The following SLC9A9 variants were observed in gnomAD, a reference collection of about 807,000 sequenced individuals.
SLC9A9 encodes the protein sodium/hydrogen exchanger 9.
Under a neutral mutation model 77.8 loss-of-function variants are expected in SLC9A9, and 62 were observed. The observed-to-expected ratio is 0.80, with a 90% CI of 0.65 to 0.98. The LOEUF is 0.98. SLC9A9 is among the 50% of genes least tolerant of loss of function. SLC9A9 has a pLI of 0.00. For synonymous variants in SLC9A9, 320 were observed against 283.5 expected (o/e 1.13, Z -1.29); for missense variants, 775 against 774.9 (o/e 1.00, Z 0.00).
At chr3:143,275,837 G>A (rs1420357031) in intron 14 of SLC9A9, among the ~76,000 whole-genome samples, 1 of 152,092 alleles carries the variant, frequency 6.6e-6, no homozygotes, top group Admixed American at 6.5e-5. Context: ...TAATAGCTCT[G>A]TTATAGGAAC....
intron 12 of SLC9A9, among the ~76,000 whole-genome samples, chr3:143,421,571 G>A (rs994431079): frequency 6.6e-6 from 1 of 152,000 alleles, no homozygotes; most frequent in African/African-American, 2.4e-5. Flanking sequence ...GTAGATCATC[G>A]TTTTCACTAC....
At position 143,349,494 on chromosome 3, in the gene SLC9A9, T is replaced by C. The variant is rs2032391079; in HGVS notation, c.1604+13990A>G. Among the ~76,000 whole-genome samples, 2 of 152,210 alleles carry C rather than the reference T, an allele frequency of 1.3e-5. 1 individual carries two copies. The highest frequency in any genetic ancestry group is 4.1e-4 in the South Asian group (2 of 4,838). On this transcript the variant is annotated intron_variant, in intron 14 of 15. Transcript: ENST00000316549. ...TCAAGGACCTAATTTTTCTAGGCCC[T>C]ATGCTATGTATGGTAAGTATAATAG... is the stretch of plus-strand genomic sequence containing the variant.
At chr3:143,713,841 G>T (rs1276760608) in intron 4 of SLC9A9, among the ~76,000 whole-genome samples, 3 of 152,060 alleles carry the variant, frequency 2.0e-5, no homozygotes, top group African/African-American at 4.8e-5. Flanking sequence ...GCTGAAGGAA[G>T]AAATAAAAGC....
At chr3:143,335,966 CA>C in intron 14 of SLC9A9, among the ~76,000 whole-genome samples, 1 of 152,128 alleles carries the variant, frequency 6.6e-6, no homozygotes, top group Non-Finnish European at 1.5e-5. Context: ...AAACAGACAA[CA>C]AAAAAGGCAA....
rs141599353 is a variant in SLC9A9, at chr3:143,286,947, G to C, written c.1605-17967C>G. On this transcript the variant is annotated intron_variant, in intron 14 of 15. Transcript: ENST00000316549. ...AGGCTCCACTAGTTCTGGACCTCACGAGGTGTGCGTCAGCAAAACTCTCCA... is the reference window on the plus strand; with the variant it reads ...AGGCTCCACTAGTTCTGGACCTCACCAGGTGTGCGTCAGCAAAACTCTCCA... Among the ~76,000 whole-genome samples, 37 of 152,284 alleles carry C rather than the reference G, an allele frequency of 2.4e-4. No individual in the cohort carries two copies. In the East Asian group the frequency reaches 6.6e-3, roughly 27 times the overall value.
intron 9 of SLC9A9, among the ~76,000 whole-genome samples, chr3:143,498,146 T>G (rs1230261896): frequency 6.6e-6 from 1 of 152,248 alleles, no homozygotes; most frequent in Non-Finnish European, 1.5e-5. Context: ...ACTGTGTACA[T>G]ACACATAGTA....
chr3:143,474,527 T>C (rs111887814), intron 11 of SLC9A9, among the ~76,000 whole-genome samples: 101 of 152,028 alleles, frequency 6.6e-4, no homozygotes, highest in African/African-American at 2.4e-3. Flanking sequence ...TTGATGTTTG[T>C]TGATGGGTCA....
chr3:143,267,019 TGCA>T, intron 15 of SLC9A9, 90 bp from the exon 16 acceptor site: 11 of 1,190,292 alleles, frequency 9.2e-6, no homozygotes, highest in Non-Finnish European at 1.2e-5. Context: ...TTAAACAGAA[TGCA>T]TGTTTTCCTT....
chr3:143,564,035 C>T (rs938949862), intron 8 of SLC9A9, among the ~76,000 whole-genome samples: 4 of 152,148 alleles, frequency 2.6e-5, no homozygotes, highest in South Asian at 4.1e-4. Context: ...CTCAAATACA[C>T]ATCTGTCAAA....
chr3:143,483,228 T>C (rs2035600873), intron 11 of SLC9A9, among the ~76,000 whole-genome samples: 1 of 152,226 alleles, frequency 6.6e-6, no homozygotes, highest in Non-Finnish European at 1.5e-5. Context: ...GTGGGATTCA[T>C]GCCAGGTGAG....
In SLC9A9 at chr3:143,382,070, G is replaced by A; in HGVS notation, c.1514C>T (p.Ser505Leu). Residue 505 changes from serine (S) to leucine (L), a missense_variant, in exon 13 of 16, where the codon TCA becomes TTA. Physicochemically the swap from Ser to Leu is moderately radical, Grantham distance 145. Coordinates refer to ENST00000316549, the MANE Select transcript of SLC9A9 (RefSeq NM_173653.4). ...LDENLKEDPS[S>L]QHQEANNLDK... Reference sequence around the variant, plus strand: ...GTTTCTTTGACTTGCCTGGTGTTGTGAGGAGGGGTCCTCCTTCAGATTTTC... The same window carrying A: ...GTTTCTTTGACTTGCCTGGTGTTGTAAGGAGGGGTCCTCCTTCAGATTTTC... The A allele has an allele frequency of 6.2e-7, 1 of 1,614,106 alleles. No individual in the cohort carries two copies. Among genetic ancestry groups the A allele is most frequent in the Non-Finnish European group, 8.5e-7 (1 of 1,180,004 alleles).
At chr3:143,515,845 A>G (rs562109948) in intron 9 of SLC9A9, among the ~76,000 whole-genome samples, 1 of 152,214 alleles carries the variant, frequency 6.6e-6, no homozygotes, top group Non-Finnish European at 1.5e-5. Flanking sequence ...CATTTGTGTT[A>G]CTGACATAAA....
At position 143,848,368 on chromosome 3, in the gene SLC9A9, C is replaced by A. The variant is rs754780367; in HGVS notation, c.-46G>T. 3.7e-6 allele frequency: 6 copies of A among 1,611,980 alleles called. No individual in the cohort carries two copies. Among genetic ancestry groups the A allele is most frequent in the Non-Finnish European group, 4.2e-6 (5 of 1,178,350 alleles). On this transcript the variant is annotated 5_prime_UTR_variant, in exon 1 of 16. Coordinates refer to ENST00000316549, the MANE Select transcript of SLC9A9 (RefSeq NM_173653.4). ...CCTTAGATAAAAACCTGGATAAAGG[C>A]TATTTTATCAAGATTTGCCTAAGAC...
chr3:143,475,364 G>C (rs576427690), intron 11 of SLC9A9, among the ~76,000 whole-genome samples: 1 of 152,162 alleles, frequency 6.6e-6, no homozygotes, highest in South Asian at 2.1e-4. Context: ...CGCTTGGTAA[G>C]AGCTGACCTC....
At chr3:143,569,196 A>C (rs2037219789) in intron 8 of SLC9A9, among the ~76,000 whole-genome samples, 1 of 151,834 alleles carries the variant, frequency 6.6e-6, no homozygotes, top group Non-Finnish European at 1.5e-5. Context: ...CATCAGGAAT[A>C]ATAAATACAC....
At chr3:143,315,975 C>T (rs1198656479) in intron 14 of SLC9A9, among the ~76,000 whole-genome samples, 1 of 152,144 alleles carries the variant, frequency 6.6e-6, no homozygotes, top group Admixed American at 6.5e-5. Context: ...GAGATGGTGA[C>T]ACCAAAGTCC....
intron 13 of SLC9A9, among the ~76,000 whole-genome samples, chr3:143,369,879 C>A (rs2033006755): frequency 6.6e-6 from 1 of 152,170 alleles, no homozygotes; most frequent in South Asian, 2.1e-4. Context: ...TGAGGACGCT[C>A]AAGAAGCTCT....
chr3:143,710,105 G>A (rs763154001), intron 4 of SLC9A9, among the ~76,000 whole-genome samples: 1 of 152,218 alleles, frequency 6.6e-6, no homozygotes, highest in Non-Finnish European at 1.5e-5. Context: ...GGGATGAATT[G>A]TATCAACTCA....
intron 4 of SLC9A9, among the ~76,000 whole-genome samples, chr3:143,700,540 G>T (rs1388877692): frequency 6.6e-6 from 1 of 152,216 alleles, no homozygotes; most frequent in Non-Finnish European, 1.5e-5. Flanking sequence ...AGTACTTCCT[G>T]TGGGCCTATA....
Sources: gnomAD v4.1 joint callset for allele counts (sites outside exome capture counted in the v4.1 genomes callset) on GRCh38, gnomAD v4.1.1 for gene constraint, MANE v1.5 for transcripts, NCBI Gene and HGNC (gene_info 2026-07-23, HGNC 2026-07-21) for gene names.